TMEM41A: variants seen among roughly 807,000 people sequenced by gnomAD.
The protein encoded by TMEM41A is transmembrane protein 41A.
In TMEM41A, 20 loss-of-function variants were observed where a neutral mutation model predicts 25.7. The ratio of observed to expected loss-of-function variants is 0.78; its 90% CI spans 0.55 to 1.13. The LOEUF is 1.13. TMEM41A is among the 50% of genes most tolerant of loss of function. TMEM41A has a pLI of 0.00. For synonymous variants in TMEM41A, 133 were observed against 139.6 expected (o/e 0.95, Z 0.33); for missense variants, 299 against 314.3 (o/e 0.95, Z 0.37).
chr3:185,498,192 G>A (rs1178488670), intron 1 of TMEM41A, among the ~76,000 whole-genome samples: 1 of 149,488 alleles, frequency 6.7e-6, no homozygotes, highest in Non-Finnish European at 1.5e-5. Flanking sequence ...TTGAACCCGG[G>A]AGGAGGAGGT....
Position 185,496,920 on chromosome 3 carries a change from A to G in TMEM41A, c.181T>C (p.Tyr61His). The G allele has an allele frequency of 6.2e-7, 1 of 1,603,248 alleles. No homozygotes were observed. The highest frequency in any genetic ancestry group is 8.5e-7 in the Non-Finnish European group (1 of 1,176,248). The change falls in exon 2 of 5, where the codon TAC becomes CAC. Residue 61 changes from tyrosine (Y) to histidine (H), a missense_variant. By Grantham distance (83) the Tyr-to-His change is moderately conservative. Coordinates refer to ENST00000421852, the MANE Select transcript of TMEM41A (RefSeq NM_080652.4). ...ACGTAGGCCTGGTGCTCCTTCCGGT[A>G]CTCTCGAAGGACCTCAGAGAGCTCC... ...LRELSEVLRE[Y>H]RKEHQAYVFL...
intron 4 of TMEM41A, chr3:185,493,416 G>A (rs1201974267): frequency 3.0e-4 from 46 of 152,334 alleles, no homozygotes; most frequent in Non-Finnish European, 3.8e-4. Flanking sequence ...GCATCACCTG[G>A]AAAATGTTAA....
intron 4 of TMEM41A, chr3:185,493,971 A>T (rs1719029485): frequency 6.6e-6 from 1 of 152,216 alleles, no homozygotes; most frequent in Admixed American, 6.5e-5. Context: ...TCCACTCCCA[A>T]GATTCTGATT....
chr3:185,492,757 A>G (rs891872896), intron 4 of TMEM41A: 1 of 152,186 alleles, frequency 6.6e-6, no homozygotes, highest in African/African-American at 2.4e-5. Context: ...CTGATAGTCC[A>G]TTTCTCTTCT....
rs774908166 is a variant in TMEM41A, at chr3:185,496,896, C to G, written c.205G>C (p.Val69Leu). ...REYRKEHQAY[V>L]FLLFCGAYLY... ...TAGGCGCCGCAGAAGAGCAGGAACACGTAGGCCTGGTGCTCCTTCCGGTAC... is the reference window on the plus strand; with the variant it reads ...TAGGCGCCGCAGAAGAGCAGGAACAGGTAGGCCTGGTGCTCCTTCCGGTAC... Residue 69 changes from valine (V) to leucine (L), a missense_variant, in exon 2 of 5, where the codon GTG becomes CTG. By Grantham distance (32) the Val-to-Leu change is conservative. Coordinates refer to ENST00000421852, the MANE Select transcript of TMEM41A (RefSeq NM_080652.4). The G allele has an allele frequency of 3.0e-5, 48 of 1,605,944 alleles. No individual in the cohort carries two copies. The highest frequency in any genetic ancestry group is 3.7e-5 in the Non-Finnish European group (43 of 1,177,354).
intron 2 of TMEM41A, 40 bp from the exon 3 acceptor site, chr3:185,495,355 C>T (rs767256463): frequency 1.3e-6 from 2 of 1,593,300 alleles, no homozygotes; most frequent in African/African-American, 1.3e-5. Flanking sequence ...GAACATCTGG[C>T]AGCTACCAGG....
rs1192971616 is a variant in TMEM41A at position 185,494,745 on chromosome 3, T to A, written c.452A>T (p.Asn151Ile). 6.2e-7 allele frequency: 1 copy of A among 1,610,666 alleles called. No homozygotes were observed. ...LLQRKVEENR[N>I]SLFFFLLFLR... ...AAACAATAAGAAAAAAAACAAGCTG[T>A]TTCTGTTCTCCTCCACCTGTAGCCA... is the stretch of plus-strand genomic sequence containing the variant. Residue 151 changes from asparagine to isoleucine, a missense_variant, in exon 4 of 5, where the codon AAC becomes ATC. By Grantham distance (149) the Asn-to-Ile change is moderately radical (BLOSUM62 -3). Transcript: ENST00000421852.
At chr3:185,493,379 G>A (rs748630941) in intron 4 of TMEM41A, 6 of 152,100 alleles carry the variant, frequency 3.9e-5, no homozygotes, top group Non-Finnish European at 5.9e-5. Context: ...AGGATCCAGC[G>A]GAATCCCTTT....
At chr3:185,497,113 C>G in intron 1 of TMEM41A, 132 bp from the exon 2 acceptor site, 1 of 1,174,512 alleles carries the variant, frequency 8.5e-7, no homozygotes. Flanking sequence ...GGAACACATA[C>G]ACTCCCAATG....
intron 1 of TMEM41A, among the ~76,000 whole-genome samples, chr3:185,497,811 C>T (rs890099906): frequency 6.6e-6 from 1 of 152,230 alleles, no homozygotes; most frequent in Non-Finnish European, 1.5e-5. Context: ...CTGAAAACAG[C>T]TGCCTTAATA....
intron 2 of TMEM41A, 160 bp downstream of exon 2, chr3:185,496,668 G>T: frequency 1.2e-6 from 1 of 867,336 alleles, no homozygotes; most frequent in Non-Finnish European, 1.8e-6. Flanking sequence ...CCACTTCGGT[G>T]CTCAATCCCT....
Position 185,496,821 on chromosome 3 carries a change from C to T in TMEM41A, c.273+7G>A, listed in dbSNP as rs1457537811. ...AAACAGGGTTGGAGGGAGGGCAGGA[C>T]ACTGACCAGGAAGCTGGAGCCGGGG... On this transcript the variant is annotated splice_region_variant and intron_variant, in intron 2 of 4. Transcript: ENST00000421852. 3 of 1,603,382 alleles carry T rather than the reference C, an allele frequency of 1.9e-6. No individual in the cohort carries two copies. The Admixed American group carries it at 5.2e-5, about 28-fold the overall frequency.
At position 185,491,195 on chromosome 3, in the gene TMEM41A, A is replaced by C. The variant is rs1357917769; in HGVS notation, c.*342T>G. ...GTATTTTTATTAGAGACAGGATTTC[A>C]CCATCTTGGCCAGGCTGGTCTTGAA... On this transcript the variant is annotated 3_prime_UTR_variant, in exon 5 of 5. Coordinates refer to ENST00000421852, the MANE Select transcript of TMEM41A (RefSeq NM_080652.4). 5.6e-6 allele frequency: 1 copy of C among 178,688 alleles called. No individual in the cohort carries two copies. The highest frequency in any genetic ancestry group is 1.2e-5 in the Non-Finnish European group (1 of 84,910). The allele number at this position is 178,688 out of a possible 1,614,324, so 11.1% of individuals were successfully genotyped here. A position where few individuals can be genotyped will look rare whatever the true frequency, so the allele number is the denominator to read the frequency against.
intron 4 of TMEM41A, chr3:185,492,486 GACAA>G (rs961133216): frequency 6.6e-6 from 1 of 152,128 alleles, no homozygotes; most frequent in Non-Finnish European, 1.5e-5. Context: ...TGCCATTGTT[GACAA>G]ACAGTTTTTT....
chr3:185,494,301 T>C (rs918234406), intron 4 of TMEM41A: 26 of 220,484 alleles, frequency 1.2e-4, no homozygotes, highest in Admixed American at 3.5e-4. Context: ...AACCCTGCTC[T>C]TCCTGCTAGC....
rs1471053324 is a variant in TMEM41A at position 185,498,910 on chromosome 3, A to G, written c.52T>C (p.Leu18=). Residue 18 remains leucine, a synonymous_variant, in exon 1 of 5, where the codon TTG becomes CTG. Transcript: ENST00000421852. ...GGCAGTCGCGTCGACAGCAAGTACA[A>G]GGCGAAGGTGCAGCCGGCGAAGACC... is the stretch of plus-strand genomic sequence containing the variant. ...LLVFAGCTFA[L]YLLSTRLPRG... 6.2e-7 allele frequency: 1 copy of G among 1,605,652 alleles called. No individual in the cohort carries two copies. Among genetic ancestry groups the G allele is most frequent in the Non-Finnish European group, 8.5e-7 (1 of 1,176,902 alleles).
In TMEM41A at chr3:185,494,634, GAGA is replaced by G. The variant is rs762316227; in HGVS notation, c.560_562del (p.Phe187del). 9 of 1,606,544 alleles carry G rather than the reference GAGA, an allele frequency of 5.6e-6. No homozygotes were observed. Among genetic ancestry groups the G allele is most frequent in the Non-Finnish European group, 7.6e-6 (9 of 1,177,272 alleles). On this transcript the variant is annotated inframe_deletion, in exon 4 of 5. Transcript: ENST00000421852. ...CACTAGCATCTTACCGATAAGAACT[GAGA>G]AGAAGAACTGCACGATGGGAATGTT...
At chr3:185,491,792 G>A in intron 4 of TMEM41A, 35 bp from the exon 5 acceptor site, 1 of 1,500,814 alleles carries the variant, frequency 6.7e-7, no homozygotes, top group Non-Finnish European at 9.1e-7. Flanking sequence ...CCTGTTACAA[G>A]CAGCAGCAAA....
rs574630860 is a variant in TMEM41A at position 185,491,785 on chromosome 3, G to A, written c.575-28C>T. 4.8e-5 allele frequency: 73 copies of A among 1,525,000 alleles called. No individual in the cohort carries two copies. In the South Asian group the frequency reaches 5.4e-4, roughly 11 times the overall value. The allele number at this position is 1,525,000 out of a possible 1,614,324, so 94.5% of individuals were successfully genotyped here. A position where few individuals can be genotyped will look rare whatever the true frequency, so the allele number is the denominator to read the frequency against. On this transcript the variant is annotated intron_variant, in intron 4 of 4. Coordinates refer to ENST00000421852, the MANE Select transcript of TMEM41A (RefSeq NM_080652.4). ...GGAAGAAGAAAAGGACAAAGCACCT[G>A]TTACAAGCAGCAGCAAAATTAAGAA...
Sources: allele counts gnomAD v4.1 joint callset (sites outside exome capture counted in the v4.1 genomes callset), GRCh38; gene constraint gnomAD v4.1.1; transcripts MANE v1.5; gene names NCBI Gene and HGNC (gene_info 2026-07-23, HGNC 2026-07-21).